CGNL1: variants seen among roughly 807,000 people sequenced by gnomAD.
The protein encoded by CGNL1 is cingulin-like protein 1.
In CGNL1, 132 loss-of-function variants were observed where a neutral mutation model predicts 141.2. The observed-to-expected ratio is 0.93, with a 90% CI of 0.81 to 1.08. The LOEUF is 1.08. Among genes scored for constraint, CGNL1 ranks in the 50% least tolerant of loss-of-function variants. The probability of loss-of-function intolerance (pLI) is 0.00; values close to 1 mark genes in which losing one functional copy is unlikely to be tolerated. For missense variants in CGNL1, 1,870 were observed against 1,588.6 expected (o/e 1.18, Z -3.01); for synonymous variants, 690 against 622.1 (o/e 1.11, Z -1.63).
chr15:57,498,953 G>GT (rs2063982474), intron 8 of CGNL1, among the ~76,000 whole-genome samples: 1 of 152,096 alleles, frequency 6.6e-6, no homozygotes, highest in Non-Finnish European at 1.5e-5. Flanking sequence ...AAGGAGATTT[G>GT]TTTTTTATTT....
chr15:57,486,782 T>A (rs1410723637), intron 8 of CGNL1, among the ~76,000 whole-genome samples: 2 of 152,202 alleles, frequency 1.3e-5, no homozygotes, highest in Non-Finnish European at 2.9e-5. Flanking sequence ...AAGAGGGGTA[T>A]CTGGCACAAG....
chr15:57,434,124 G>A (rs1427068497), intron 1 of CGNL1, among the ~76,000 whole-genome samples: 1 of 152,194 alleles, frequency 6.6e-6, no homozygotes, highest in Non-Finnish European at 1.5e-5. Context: ...TGGTGTTGTT[G>A]CAGAAAGCAG....
At chr15:57,524,853 C>A in intron 12 of CGNL1, 102 bp downstream of exon 12, 1 of 1,141,110 alleles carries the variant, frequency 8.8e-7, no homozygotes, top group Non-Finnish European at 1.2e-6. Flanking sequence ...CGTGAGACAG[C>A]TTTGGTGCTT....
chr15:57,395,172 C>G (rs770338886), intron 1 of CGNL1, among the ~76,000 whole-genome samples: 1 of 152,298 alleles, frequency 6.6e-6, no homozygotes, highest in African/African-American at 2.4e-5. Context: ...AATTATAAAT[C>G]TGAACTGCAT....
Position 57,526,184 on chromosome 15 carries a change from A to AC in CGNL1, c.3039+1433_3039+1434insC, listed in dbSNP as rs549240902. 1.8e-3 allele frequency among the ~76,000 whole-genome samples: 275 copies of AC among 151,788 alleles called. 5 individuals are homozygous for AC. The highest frequency in any genetic ancestry group is 0.014 in the Admixed American group (208 of 15,220). On this transcript the variant is annotated intron_variant, in intron 12 of 18. Coordinates refer to ENST00000281282, the MANE Select transcript of CGNL1 (RefSeq NM_032866.5). ...AAAAGAGCAGTCCTTCCAAAACAAA[A>AC]AAAAAAAAGGATTCCTTGCAAGGAA...
At chr15:57,413,947 G>T (rs1595678123) in intron 1 of CGNL1, among the ~76,000 whole-genome samples, 1 of 152,182 alleles carries the variant, frequency 6.6e-6, no homozygotes, top group Admixed American at 6.5e-5. Flanking sequence ...AAGTTGTGTT[G>T]TAGTACCCGG....
At chr15:57,466,450 C>T (rs2063512421) in intron 8 of CGNL1, among the ~76,000 whole-genome samples, 1 of 152,170 alleles carries the variant, frequency 6.6e-6, no homozygotes, top group African/African-American at 2.4e-5. Flanking sequence ...AGTATAGTTT[C>T]TTGAAGTTTC....
intron 8 of CGNL1, among the ~76,000 whole-genome samples, chr15:57,463,891 C>T (rs764204053): frequency 6.6e-6 from 1 of 152,132 alleles, no homozygotes; most frequent in African/African-American, 2.4e-5. Flanking sequence ...TATGAACATG[C>T]CCTAGATACC....
chr15:57,541,713 G>T (rs1270403208), intron 14 of CGNL1, among the ~76,000 whole-genome samples: 1 of 152,216 alleles, frequency 6.6e-6, no homozygotes, highest in East Asian at 1.9e-4. Context: ...AGATGGTCCA[G>T]AGACAGAGCC....
chr15:57,442,747 C>G (rs764220188), intron 4 of CGNL1, among the ~76,000 whole-genome samples: 3 of 152,026 alleles, frequency 2.0e-5, no homozygotes, highest in Non-Finnish European at 2.9e-5. Flanking sequence ...GCCTCCCAAG[C>G]AGCTGGAACT....
chr15:57,540,311 C>CT, intron 14 of CGNL1, among the ~76,000 whole-genome samples: 1 of 152,278 alleles, frequency 6.6e-6, no homozygotes, highest in African/African-American at 2.4e-5. Flanking sequence ...CTGGGGAGGC[C>CT]TTATGATCAT....
chr15:57,525,789 G>T (rs1453919722), intron 12 of CGNL1, among the ~76,000 whole-genome samples: 2 of 151,950 alleles, frequency 1.3e-5, no homozygotes, highest in African/African-American at 2.4e-5. Flanking sequence ...CTCTTGAAAG[G>T]CCCCTGATAA....
chr15:57,531,619 G>A (rs2031955107), intron 13 of CGNL1, 71 bp from the exon 14 acceptor site: 3 of 960,498 alleles, frequency 3.1e-6, no homozygotes, highest in Non-Finnish European at 5.1e-6. Context: ...TTGTTTCTCT[G>A]TGGGGGAGCC....
intron 13 of CGNL1, among the ~76,000 whole-genome samples, chr15:57,529,559 A>AATACAC (rs1308565312): frequency 1.5e-5 from 2 of 137,924 alleles, no homozygotes; most frequent in African/African-American, 5.7e-5. Context: ...AACCCCCAGA[A>AATACAC]ACACACACAC....
At chr15:57,519,419 T>G (rs1273788996) in intron 10 of CGNL1, among the ~76,000 whole-genome samples, 2 of 152,162 alleles carry the variant, frequency 1.3e-5, no homozygotes, top group African/African-American at 4.8e-5. Context: ...CTGGAGGGTG[T>G]TCAGCTTCAT....
intron 1 of CGNL1, among the ~76,000 whole-genome samples, chr15:57,387,283 T>A (rs1422820715): frequency 6.6e-6 from 1 of 152,220 alleles, no homozygotes; most frequent in East Asian, 1.9e-4. Flanking sequence ...ACTTCACCAC[T>A]TTTTACCTGG....
chr15:57,520,458 G>A (rs1295333271), intron 10 of CGNL1, among the ~76,000 whole-genome samples: 4 of 152,174 alleles, frequency 2.6e-5, no homozygotes, highest in African/African-American at 9.7e-5. Flanking sequence ...AGCTGAAGAC[G>A]CTGGTAAATT....
intron 3 of CGNL1, among the ~76,000 whole-genome samples, chr15:57,440,815 A>G (rs2063177266): frequency 6.6e-6 from 1 of 152,150 alleles, no homozygotes; most frequent in South Asian, 2.1e-4. Context: ...CTTCCGTGCA[A>G]TGTGGTAGTC....
intron 8 of CGNL1, among the ~76,000 whole-genome samples, chr15:57,513,259 T>TGTGG (rs1310266197): frequency 1.5e-5 from 2 of 134,022 alleles, no homozygotes; most frequent in Non-Finnish European, 3.1e-5. Flanking sequence ...TATGGGTGTG[T>TGTGG]GTGTGTGTGT....
Sources: gnomAD v4.1 joint callset for allele counts (sites outside exome capture counted in the v4.1 genomes callset) on GRCh38, gnomAD v4.1.1 for gene constraint, MANE v1.5 for transcripts, NCBI Gene and HGNC (gene_info 2026-07-23, HGNC 2026-07-21) for gene names.